The following GALNT2 variants were observed in gnomAD, a reference collection of about 807,000 sequenced individuals.
GALNT2 encodes the protein polypeptide N-acetylgalactosaminyltransferase 2.
GALNT2 carries 31 observed loss-of-function variants against 81.4 expected under a neutral mutation model. The ratio of observed to expected loss-of-function variants is 0.38; its 90% CI spans 0.29 to 0.51. GALNT2 has a LOEUF of 0.51. Ranked by LOEUF, GALNT2 falls within the 20% of genes least tolerant of loss-of-function variation. The pLI, the probability that GALNT2 is intolerant of heterozygous loss-of-function variation, is 0.87. For synonymous variants in GALNT2, 303 were observed against 287.4 expected (o/e 1.05, Z -0.55); for missense variants, 629 against 765.7 (o/e 0.82, Z 2.11).
intron 1 of GALNT2, among the ~76,000 whole-genome samples, chr1:230,167,345 C>A (rs1380307299): frequency 1.3e-5 from 2 of 152,196 alleles, no homozygotes; most frequent in African/African-American, 4.8e-5. Context: ...CAGGGTCTCA[C>A]CACGTTGCCC....
intron 2 of GALNT2, among the ~76,000 whole-genome samples, chr1:230,185,666 TAAG>T (rs1663311593): frequency 6.6e-6 from 1 of 152,218 alleles, no homozygotes; most frequent in Admixed American, 6.5e-5. Flanking sequence ...GCCTTATTAA[TAAG>T]AACACAGTGC....
At chr1:230,159,820 A>G (rs1662375780) in intron 1 of GALNT2, among the ~76,000 whole-genome samples, 1 of 152,162 alleles carries the variant, frequency 6.6e-6, no homozygotes, top group South Asian at 2.1e-4. Flanking sequence ...TCTTCCTTGA[A>G]TCGCTGTTTC....
In GALNT2 at chr1:230,273,585, G is replaced by A. The variant is rs568481056; in HGVS notation, c.1441-860G>A. The stretch of plus-strand genomic sequence containing the variant: ...TGTGGCCCTGCCTGGAACAGGCTCC[G>A]GCCTCCTCTGCCACCTGGGACCATG... On this transcript the variant is annotated intron_variant, in intron 14 of 15. Transcript: ENST00000366672. 1.6e-4 allele frequency among the ~76,000 whole-genome samples: 24 copies of A among 152,314 alleles called. No homozygotes were observed. In the East Asian group the frequency reaches 4.3e-3, roughly 27 times the overall value.
chr1:230,172,009 A>C (rs1482004658), intron 1 of GALNT2, among the ~76,000 whole-genome samples: 1 of 151,692 alleles, frequency 6.6e-6, no homozygotes, highest in Non-Finnish European at 1.5e-5. Context: ...TAGTGGTTTT[A>C]GAATATTCTA....
At chr1:230,158,960 G>A (rs1305671255) in intron 1 of GALNT2, among the ~76,000 whole-genome samples, 2 of 152,178 alleles carry the variant, frequency 1.3e-5, no homozygotes. Flanking sequence ...GGATTTCAGT[G>A]GCCTCTGCAG....
In GALNT2 at chr1:230,067,343, C is replaced by T. The variant is rs774695769; in HGVS notation, c.63C>T (p.Tyr21=). 3 of 1,379,106 alleles carry T rather than the reference C, an allele frequency of 2.2e-6. No homozygotes were observed. The highest frequency in any genetic ancestry group is 3.3e-5 in the East Asian group (1 of 30,722). 85.4% of individuals were successfully genotyped at this position (1,379,106 alleles called of 1,614,324 possible). ...FAFLWVLGIA[Y]YMYSGGGSAL... ...TCCTGTGGGTGCTGGGCATCGCCTA[C>T]TACATGTACTCGGGGGGCGGCTCTG... is the stretch of plus-strand genomic sequence containing the variant. Residue 21 remains tyrosine (Y), a synonymous_variant, in exon 1 of 16, where the codon TAC becomes TAT. Transcript: ENST00000366672.
In GALNT2 at chr1:230,243,453, T is replaced by TG. The variant is rs759943545; in HGVS notation, c.729+27dup. ...GTGAGATGACGGGGGCTGGGAGGGG[T>TG]GTCAGGTCGTGGGTGGTTGGTAGAG... On this transcript the variant is annotated intron_variant, in intron 7 of 15. Coordinates refer to ENST00000366672, the MANE Select transcript of GALNT2 (RefSeq NM_004481.5). This position sits in a 1 kb window ranked among gnomAD's most constrained non-coding sequence, Gnocchi z 4.2. 107 of 1,603,992 alleles carry TG rather than the reference T, an allele frequency of 6.7e-5. 1 individual carries two copies. The South Asian group carries it at 1.1e-3, about 16-fold the overall frequency.
intron 1 of GALNT2, among the ~76,000 whole-genome samples, chr1:230,138,681 G>A (rs964182684): frequency 6.6e-6 from 1 of 152,194 alleles, no homozygotes; most frequent in African/African-American, 2.4e-5. Flanking sequence ...GAAAGGGGCA[G>A]GGATTTTCCT....
chr1:230,269,163 A>G (rs1349749407), intron 14 of GALNT2, among the ~76,000 whole-genome samples: 2 of 119,222 alleles, frequency 1.7e-5, no homozygotes, highest in African/African-American at 3.2e-5. Context: ...TTTTTTTGAG[A>G]CGGAGTTTGG....
intron 1 of GALNT2, among the ~76,000 whole-genome samples, chr1:230,140,957 T>G (rs1290765363): frequency 1.3e-5 from 2 of 152,248 alleles, no homozygotes; most frequent in Non-Finnish European, 2.9e-5. Context: ...AGCTATATTC[T>G]TATTTTCTCT....
chr1:230,155,502 G>T (rs1273395998), intron 1 of GALNT2, among the ~76,000 whole-genome samples: 1 of 152,154 alleles, frequency 6.6e-6, no homozygotes, highest in Non-Finnish European at 1.5e-5. Flanking sequence ...TCAAGATAAA[G>T]AAATTTTAGC....
intron 3 of GALNT2, among the ~76,000 whole-genome samples, chr1:230,229,049 A>G (rs1027511687): frequency 6.6e-6 from 1 of 152,244 alleles, no homozygotes. Context: ...AATTCACAAT[A>G]TATTAATGAC....
At chr1:230,178,068 T>TGG in intron 1 of GALNT2, 150 bp from the exon 2 acceptor site, 1 of 527,450 alleles carries the variant, frequency 1.9e-6, no homozygotes, top group Non-Finnish European at 3.4e-6. Context: ...TTCTGGTGTG[T>TGG]GGGGTCTTTA....
At chr1:230,160,977 A>G (rs1022281978) in intron 1 of GALNT2, among the ~76,000 whole-genome samples, 2 of 152,206 alleles carry the variant, frequency 1.3e-5, no homozygotes, top group Non-Finnish European at 2.9e-5. Context: ...GGCAACAGCC[A>G]TATACAGTCT....
At chr1:230,130,858 G>C (rs2102812848) in intron 1 of GALNT2, among the ~76,000 whole-genome samples, 1 of 152,294 alleles carries the variant, frequency 6.6e-6, no homozygotes, top group Admixed American at 6.5e-5. Flanking sequence ...TGAGTGGGCG[G>C]GTGGGGGCTT....
chr1:230,274,386 T>C, intron 14 of GALNT2, 59 bp from the exon 15 acceptor site: 4 of 1,588,544 alleles, frequency 2.5e-6, no homozygotes, highest in Non-Finnish European at 2.6e-6. Flanking sequence ...TCGATGCCCC[T>C]TCTTTCCTTT....
In GALNT2 at chr1:230,084,120, G is replaced by A. The variant is rs141596504; in HGVS notation, c.126+16714G>A. Among the ~76,000 whole-genome samples, 369 of 152,290 alleles carry A rather than the reference G, an allele frequency of 2.4e-3. 3 individuals carry two copies. The highest frequency in any genetic ancestry group is 0.017 in the Middle Eastern group (5 of 294). Reference sequence around the variant, plus strand: ...TGTAATTTTTAATTTGATCCCCTGCGTCCCAGTGGACTGTGAGTGTCTTGA... The same window carrying A: ...TGTAATTTTTAATTTGATCCCCTGCATCCCAGTGGACTGTGAGTGTCTTGA... On this transcript the variant is annotated intron_variant, in intron 1 of 15. Transcript: ENST00000366672.
At chr1:230,222,831 G>A (rs1664591257) in intron 3 of GALNT2, among the ~76,000 whole-genome samples, 1 of 152,146 alleles carries the variant, frequency 6.6e-6, no homozygotes, top group Admixed American at 6.5e-5. Flanking sequence ...TGTTGTTATT[G>A]TTACTAAGAT....
At chr1:230,118,892 C>T (rs1660930733) in intron 1 of GALNT2, among the ~76,000 whole-genome samples, 1 of 152,214 alleles carries the variant, frequency 6.6e-6, no homozygotes, top group Admixed American at 6.5e-5. Flanking sequence ...GCCTGCCCCT[C>T]ACCCTGCCTT....
Sources: allele counts gnomAD v4.1 joint callset (sites outside exome capture counted in the v4.1 genomes callset), GRCh38; gene constraint gnomAD v4.1.1; non-coding constraint Gnocchi (gnomAD v3.1); transcripts MANE v1.5; gene names NCBI Gene and HGNC (gene_info 2026-07-23, HGNC 2026-07-21).